Variants in CSMD2 observed in about 807,000 individuals in gnomAD.
CSMD2 encodes CUB and Sushi multiple domains 2, also known as CUB and sushi domain-containing protein 2.
CSMD2 carries 130 observed loss-of-function variants against 398.5 expected under a neutral mutation model. The ratio of observed to expected loss-of-function variants is 0.33; its 90% CI spans 0.28 to 0.38. The LOEUF is 0.38. Among genes scored for constraint, CSMD2 ranks in the 10% least tolerant of loss-of-function variants. The probability of loss-of-function intolerance (pLI) is 1.00; values close to 1 mark genes in which losing one functional copy is unlikely to be tolerated. For synonymous variants in CSMD2, 1,828 were observed against 1,908.5 expected, an observed-to-expected ratio of 0.96 and a Z score of 1.10; for missense variants, 3,829 against 4,764.9, an observed-to-expected ratio of 0.80 and a Z score of 5.78.
rs138621421 is a variant in CSMD2 at position 33,972,754 on chromosome 1, G to A, written c.518-36800C>T. 2.7e-3 allele frequency among the ~76,000 whole-genome samples: 408 copies of A among 152,236 alleles called. 1 individual carries two copies. Among genetic ancestry groups the A allele is most frequent in the African/African-American group, 9.4e-3 (389 of 41,532 alleles). Reference sequence around the variant, plus strand: ...GTCTGATTGTGGACTTCTGGCCTCCGGAACTGTAATAGAATAAATCTGTGC... The same window carrying A: ...GTCTGATTGTGGACTTCTGGCCTCCAGAACTGTAATAGAATAAATCTGTGC... On this transcript the variant is annotated intron_variant, in intron 3 of 70. Transcript: ENST00000373381.
In CSMD2 at chr1:33,608,933, G is replaced by A. The variant is rs150460233; in HGVS notation, c.6343+2108C>T. ...ACACAGGAAAGCCTTGGGGGAAGGCGTTGCATCTGTCTCTGAGAGGACATA... is the reference window on the plus strand; with the variant it reads ...ACACAGGAAAGCCTTGGGGGAAGGCATTGCATCTGTCTCTGAGAGGACATA... On this transcript the variant is annotated intron_variant, in intron 41 of 70. Coordinates refer to ENST00000373381, the MANE Select transcript of CSMD2 (RefSeq NM_001281956.2). Among the ~76,000 whole-genome samples the A allele has an allele frequency of 2.3e-3, 344 of 152,294 alleles. 6 individuals carry two copies. Among genetic ancestry groups the A allele is most frequent in the African/African-American group, 7.1e-3 (297 of 41,540 alleles).
chr1:33,601,148 G>A (rs1640191190), intron 43 of CSMD2, 138 bp from the exon 44 acceptor site: 3 of 1,121,508 alleles, frequency 2.7e-6, no homozygotes, highest in Non-Finnish European at 3.8e-6. Flanking sequence ...CCCACACCAT[G>A]CCCTAAATAC....
Position 33,518,496 on chromosome 1 carries a change from T to C in CSMD2, c.*53+969A>G, listed in dbSNP as rs1429127876. On this transcript the variant is annotated intron_variant, in intron 70 of 70. Transcript: ENST00000373381. This position sits in a 1 kb window ranked among gnomAD's most constrained non-coding sequence, Gnocchi z 4.3. ...CTGTTGTGCTCAATGTGGGGAATTT[T>C]GTAAGTAAACCTGCCTAGGCTATGG... 6.6e-6 allele frequency among the ~76,000 whole-genome samples: 1 copy of C among 152,194 alleles called. No individual in the cohort carries two copies. Among genetic ancestry groups the C allele is most frequent in the African/African-American group, 2.4e-5 (1 of 41,440 alleles).
intron 53 of CSMD2, among the ~76,000 whole-genome samples, chr1:33,565,656 A>C (rs1274351213): frequency 6.6e-6 from 1 of 152,156 alleles, no homozygotes; most frequent in Non-Finnish European, 1.5e-5. Flanking sequence ...AATAGAAAAG[A>C]ATTCAAGAAT....
chr1:34,032,579 G>A lies in CSMD2; in HGVS notation c.517+15C>T. ...CACATCTCCGGCTCCTGTGGCCGAT[G>A]AGGGAGGCACTTACCTTCATAGGTG... On this transcript the variant is annotated intron_variant, in intron 3 of 70. Coordinates refer to ENST00000373381, the MANE Select transcript of CSMD2 (RefSeq NM_001281956.2). 1 of 1,524,288 alleles carries A rather than the reference G, an allele frequency of 6.6e-7. No homozygotes were observed. Among genetic ancestry groups the A allele is most frequent in the Non-Finnish European group, 8.9e-7 (1 of 1,123,000 alleles). The allele number at this position is 1,524,288 out of a possible 1,614,324, so 94.4% of individuals were successfully genotyped here.
intron 31 of CSMD2, among the ~76,000 whole-genome samples, chr1:33,634,252 A>G (rs1267846083): frequency 3.9e-5 from 6 of 152,114 alleles, no homozygotes; most frequent in Admixed American, 3.3e-4. Context: ...TTTATAGAGG[A>G]CAGAGAACAT....
intron 5 of CSMD2, among the ~76,000 whole-genome samples, chr1:33,915,924 G>A (rs961596255): frequency 4.6e-5 from 7 of 152,052 alleles, no homozygotes; most frequent in African/African-American, 1.4e-4. Flanking sequence ...CTCCTTACTC[G>A]CCGGTGTGAT....
chr1:33,645,983 T>C (rs1242909179), intron 29 of CSMD2, among the ~76,000 whole-genome samples: 1 of 152,282 alleles, frequency 6.6e-6, no homozygotes, highest in Non-Finnish European at 1.5e-5. Flanking sequence ...GTAGTAGGGC[T>C]GAGTAGTTGT....
chr1:33,532,948 G>A (rs1655388851), intron 64 of CSMD2, 102 bp downstream of exon 64: 1 of 1,123,068 alleles, frequency 8.9e-7, no homozygotes. Context: ...CCAGCTCCTT[G>A]AAACGCAATT....
intron 13 of CSMD2, among the ~76,000 whole-genome samples, chr1:33,768,745 T>C (rs953213845): frequency 1.3e-5 from 2 of 152,132 alleles, no homozygotes; most frequent in Non-Finnish European, 2.9e-5. Context: ...GTCTTGTATC[T>C]TCTGGGACAT....
intron 25 of CSMD2, among the ~76,000 whole-genome samples, chr1:33,689,498 T>C (rs1036345901): frequency 2.0e-5 from 3 of 152,180 alleles, no homozygotes; most frequent in African/African-American, 7.2e-5. Context: ...GATCTTGTCT[T>C]CCTGAGGGCT....
At chr1:33,647,667 C>T (rs1643529085) in intron 28 of CSMD2, among the ~76,000 whole-genome samples, 1 of 152,056 alleles carries the variant, frequency 6.6e-6, no homozygotes, top group South Asian at 2.1e-4. Flanking sequence ...ATCAGAGCAA[C>T]ATGAATTCTG....
chr1:34,074,191 T>C lies in CSMD2; in HGVS notation c.404+14786A>G, dbSNP rs115148053. Among the ~76,000 whole-genome samples, 916 of 152,336 alleles carry C rather than the reference T, an allele frequency of 6.0e-3. 8 individuals carry two copies. Among genetic ancestry groups the C allele is most frequent in the Non-Finnish European group, 0.01 (711 of 68,022 alleles). ...TGGGCAGGGATACAGAGCCAAACTA[T>C]ATCAGCTATTTGGCAGCTTAGGGGC... On this transcript the variant is annotated intron_variant, in intron 2 of 70. Transcript: ENST00000373381.
At chr1:33,567,440 T>C (rs1283544859) in intron 53 of CSMD2, among the ~76,000 whole-genome samples, 153 bp downstream of exon 53, 3 of 139,970 alleles carry the variant, frequency 2.1e-5, no homozygotes, top group Non-Finnish European at 4.7e-5. Flanking sequence ...AAACATTAGA[T>C]CAACAATGCT....
chr1:34,155,621 G>C (rs1640741851), intron 1 of CSMD2, among the ~76,000 whole-genome samples: 1 of 152,242 alleles, frequency 6.6e-6, no homozygotes, highest in East Asian at 1.9e-4. Context: ...AATGGATCAA[G>C]GCCAAGAAGC....
In CSMD2 at chr1:33,557,609, C is replaced by G. The variant is rs960154153; in HGVS notation, c.8743+125G>C. The G allele has an allele frequency of 1.7e-4, 150 of 880,394 alleles. 1 individual carries two copies. The Middle Eastern group carries it at 5.5e-3, about 33-fold the overall frequency. 54.5% of individuals were successfully genotyped at this position (880,394 alleles called of 1,614,324 possible). A position where few individuals can be genotyped will look rare whatever the true frequency, so the allele number is the denominator to read the frequency against. ...GACTGTCACCATAAGGCAACTCATA[C>G]ATGTGCAGACACACACACACACACA... is the stretch of plus-strand genomic sequence containing the variant. On this transcript the variant is annotated intron_variant, in intron 55 of 70. Transcript: ENST00000373381.
At chr1:33,942,692 G>A (rs577788938) in intron 3 of CSMD2, among the ~76,000 whole-genome samples, 20 of 152,342 alleles carry the variant, frequency 1.3e-4, no homozygotes, top group African/African-American at 4.8e-4. Flanking sequence ...GGCTGCTCCA[G>A]GAGACTGAAA....
At chr1:33,691,236 G>A (rs1440068600) in intron 25 of CSMD2, among the ~76,000 whole-genome samples, 22 of 152,140 alleles carry the variant, frequency 1.4e-4, no homozygotes. Flanking sequence ...TAGCCTCAAA[G>A]GCCAGAATAA....
At chr1:33,850,984 G>A (rs1638666822) in intron 5 of CSMD2, among the ~76,000 whole-genome samples, 1 of 152,196 alleles carries the variant, frequency 6.6e-6, no homozygotes, top group Non-Finnish European at 1.5e-5. Context: ...CAGTCGGGAT[G>A]TTGGGGAGCT....
Sources: allele counts gnomAD v4.1 joint callset (sites outside exome capture counted in the v4.1 genomes callset), GRCh38; gene constraint gnomAD v4.1.1; non-coding constraint Gnocchi (gnomAD v3.1); transcripts MANE v1.5; gene names NCBI Gene and HGNC (gene_info 2026-07-23, HGNC 2026-07-21).